Variants in TRPM3 observed in about 807,000 individuals in gnomAD.
TRPM3 encodes long transient receptor potential channel 3.
In TRPM3, 77 loss-of-function variants were observed where a neutral mutation model predicts 181.2. That is an observed-to-expected ratio of 0.42 (90% CI 0.35 to 0.51). TRPM3 has a LOEUF of 0.51. TRPM3 is among the 20% of genes least tolerant of loss of function. The pLI is 0.01. For missense variants in TRPM3, 1,759 were observed against 2,196.7 expected (o/e 0.80, Z 3.98); for synonymous variants, 745 against 796.4 (o/e 0.94, Z 1.09).
At chr9:70,953,094 C>T (rs1036440312) in intron 1 of TRPM3, among the ~76,000 whole-genome samples, 3 of 152,178 alleles carry the variant, frequency 2.0e-5, no homozygotes, top group Non-Finnish European at 4.4e-5. Flanking sequence ...CTTCATGCTT[C>T]ATTGCTACTC....
intron 9 of TRPM3, among the ~76,000 whole-genome samples, chr9:70,648,511 C>G (rs1251072379): frequency 2.0e-5 from 3 of 151,690 alleles, no homozygotes; most frequent in African/African-American, 7.3e-5. Flanking sequence ...ATATGCAACC[C>G]AAAAAGAGCC....
intron 1 of TRPM3, among the ~76,000 whole-genome samples, chr9:70,925,233 C>T (rs1339848830): frequency 6.6e-6 from 1 of 152,186 alleles, no homozygotes; most frequent in African/African-American, 2.4e-5. Flanking sequence ...ACGAAGTCTA[C>T]TTTGCACATT....
chr9:71,442,385 GA>G (rs1235451636), intron 1 of TRPM3, among the ~76,000 whole-genome samples: 1 of 151,990 alleles, frequency 6.6e-6, no homozygotes, highest in African/African-American at 2.4e-5. Context: ...GCATCTATTT[GA>G]AAACAAGCTT....
chr9:71,101,324 A>C (rs1010580363), intron 1 of TRPM3, among the ~76,000 whole-genome samples: 1 of 152,164 alleles, frequency 6.6e-6, no homozygotes, highest in Non-Finnish European at 1.5e-5. Context: ...TTGATCAAAC[A>C]AATCACTCAA....
chr9:71,124,772 T>A (rs896577583), upstream of TRPM3, among the ~76,000 whole-genome samples: 2 of 152,172 alleles, frequency 1.3e-5, no homozygotes, highest in African/African-American at 2.4e-5. Context: ...CCCTGTCTTC[T>A]TTATATCTTT....
chr9:70,902,189 G>A (rs4143736), intron 1 of TRPM3, among the ~76,000 whole-genome samples: 33,127 of 152,130 alleles, frequency 0.22, 3,852 homozygotes, highest in East Asian at 0.36. Flanking sequence ...ATCCTTGCAA[G>A]CAAATGACAT....
chr9:70,608,005 A>ACCTTC (rs1190137249), intron 19 of TRPM3, among the ~76,000 whole-genome samples: 3 of 152,224 alleles, frequency 2.0e-5, no homozygotes, highest in Non-Finnish European at 2.9e-5. Flanking sequence ...GAACTATAAC[A>ACCTTC]AATGAAGGTG....
At chr9:70,853,686 G>A (rs1413685085) in intron 3 of TRPM3, among the ~76,000 whole-genome samples, 2 of 152,202 alleles carry the variant, frequency 1.3e-5, no homozygotes, top group African/African-American at 4.8e-5. Flanking sequence ...TTGGTTAACT[G>A]TAGAACACAC....
At chr9:71,113,676 A>T (rs2071652796) in intron 1 of TRPM3, among the ~76,000 whole-genome samples, 1 of 152,196 alleles carries the variant, frequency 6.6e-6, no homozygotes, top group Non-Finnish European at 1.5e-5. Flanking sequence ...TATAAAAGTC[A>T]TTCAATGCTC....
chr9:71,141,206 A>G (rs904247706), intron 1 of TRPM3, among the ~76,000 whole-genome samples: 1 of 152,184 alleles, frequency 6.6e-6, no homozygotes, highest in Non-Finnish European at 1.5e-5. Context: ...AGATAAATTA[A>G]TTAGTTGTAC....
At chr9:71,177,693 A>ATTC (rs2077180698) in intron 1 of TRPM3, among the ~76,000 whole-genome samples, 1 of 152,250 alleles carries the variant, frequency 6.6e-6, no homozygotes, top group African/African-American at 2.4e-5. Flanking sequence ...TATTCTAAAT[A>ATTC]TTCTAAAATA....
chr9:71,043,425 T>C (rs2059057757), intron 1 of TRPM3, among the ~76,000 whole-genome samples: 1 of 152,180 alleles, frequency 6.6e-6, no homozygotes, highest in South Asian at 2.1e-4. Context: ...GTGATTATCT[T>C]TAATGTATAG....
intron 1 of TRPM3, among the ~76,000 whole-genome samples, chr9:71,235,152 C>T (rs1234826927): frequency 6.6e-6 from 1 of 152,228 alleles, no homozygotes; most frequent in African/African-American, 2.4e-5. Context: ...AGGGCCTTTG[C>T]TAATGCTGTT....
intron 17 of TRPM3, 80 bp from the exon 18 acceptor site, chr9:70,616,155 T>A: frequency 1.7e-6 from 2 of 1,149,452 alleles, no homozygotes; most frequent in Non-Finnish European, 2.4e-6. Flanking sequence ...TCAGAGAGCC[T>A]GAGGTATGGG....
chr9:71,361,486 C>T (rs1170301739), intron 1 of TRPM3, among the ~76,000 whole-genome samples: 1 of 152,140 alleles, frequency 6.6e-6, no homozygotes, highest in African/African-American at 2.4e-5. Flanking sequence ...CATGCTTTGT[C>T]CCTGTGCCTG....
chr9:71,000,058 C>T lies in TRPM3; in HGVS notation c.177+121120G>A, dbSNP rs557586000. Among the ~76,000 whole-genome samples, 5 of 152,266 alleles carry T rather than the reference C, an allele frequency of 3.3e-5. No individual in the cohort carries two copies. In the East Asian group the frequency reaches 9.7e-4, roughly 29 times the overall value. ...CCAAGAAAGCTGTTGGGGATGGCCC[C>T]TGCAGAGACAGCTGACCCAAATTGT... On this transcript the variant is annotated intron_variant, in intron 1 of 25. Coordinates refer to ENST00000677713, the MANE Select transcript of TRPM3 (RefSeq NM_001366145.2).
At chr9:71,380,709 C>T (rs1242724932) in intron 1 of TRPM3, among the ~76,000 whole-genome samples, 1 of 151,936 alleles carries the variant, frequency 6.6e-6, no homozygotes, top group Non-Finnish European at 1.5e-5. Flanking sequence ...TTCATTTTTC[C>T]TGAGTTTTGT....
chr9:71,343,087 G>C (rs769452057), intron 1 of TRPM3, among the ~76,000 whole-genome samples: 1 of 151,990 alleles, frequency 6.6e-6, no homozygotes, highest in Non-Finnish European at 1.5e-5. Flanking sequence ...TTCTATAAGG[G>C]CTTAGAGTAG....
intron 1 of TRPM3, among the ~76,000 whole-genome samples, chr9:71,064,873 A>C (rs1488057599): frequency 6.6e-6 from 1 of 152,170 alleles, no homozygotes; most frequent in Admixed American, 6.6e-5. Context: ...TTATTAGCCC[A>C]GAAACTCTTG....
Sources: allele counts gnomAD v4.1 joint callset (sites outside exome capture counted in the v4.1 genomes callset), GRCh38; gene constraint gnomAD v4.1.1; transcripts MANE v1.5; gene names NCBI Gene and HGNC (gene_info 2026-07-23, HGNC 2026-07-21).